Variants in TRMT6 observed in about 807,000 individuals in gnomAD.
The protein encoded by TRMT6 is tRNA methyltransferase 6 non-catalytic subunit.
TRMT6 carries 34 observed loss-of-function variants against 59.0 expected under a neutral mutation model. The ratio of observed to expected loss-of-function variants is 0.58; its 90% CI spans 0.44 to 0.77. TRMT6 has a LOEUF of 0.77. TRMT6 is among the 30% of genes least tolerant of loss of function. The pLI is 0.00. For missense variants in TRMT6, 575 were observed against 604.5 expected (o/e 0.95, Z 0.51); for synonymous variants, 217 against 210.5 (o/e 1.03, Z -0.27).
In TRMT6 at chr20:5,950,297, C is replaced by T. The variant is rs2122621021; in HGVS notation, c.109G>A (p.Val37Ile). 1 of 1,611,588 alleles carries T rather than the reference C, an allele frequency of 6.2e-7. No individual in the cohort carries two copies. The highest frequency in any genetic ancestry group is 1.3e-5 in the African/African-American group (1 of 74,926). The part of the protein sequence containing the change: ...VLKREDVFKA[V>I]QVQRRKKVTF... ...ACTTACTTTCTCCGCTGGACTTGTA[C>T]TGCTTTAAACACATCTTCACGTTTC... is the stretch of plus-strand genomic sequence containing the variant. Residue 37 changes from valine to isoleucine, a missense_variant, in exon 1 of 11, where the codon GTA (valine) becomes ATA (isoleucine). Val to Ile is a conservative substitution (Grantham distance 29, BLOSUM62 3). Transcript: ENST00000203001.
chr20:5,943,838 TAGG>T (rs1279700657), intron 5 of TRMT6, 107 bp downstream of exon 5: 1 of 1,522,910 alleles, frequency 6.6e-7, no homozygotes, highest in African/African-American at 1.4e-5. Context: ...ATTTATGAGG[TAGG>T]AGGATACTTT....
rs966611994 is a variant in TRMT6, at chr20:5,938,406, T to C, written c.*129A>G. On this transcript the variant is annotated 3_prime_UTR_variant, in exon 11 of 11. Transcript: ENST00000203001. ...TAGACAAAAGGCATATACTCCTCCT[T>C]CCTAGAAACGGGTACATAGACATGT... is the stretch of plus-strand genomic sequence containing the variant. 11 of 1,012,706 alleles carry C rather than the reference T, an allele frequency of 1.1e-5. No individual in the cohort carries two copies. The East Asian group carries it at 2.6e-4, about 24-fold the overall frequency. The allele number at this position is 1,012,706 out of a possible 1,614,324, so 62.7% of individuals were successfully genotyped here. A position where few individuals can be genotyped will look rare whatever the true frequency, so the allele number is the denominator to read the frequency against.
intron 1 of TRMT6, among the ~76,000 whole-genome samples, chr20:5,946,900 G>T (rs1373445873): frequency 6.6e-6 from 1 of 152,196 alleles, no homozygotes; most frequent in African/African-American, 2.4e-5. Flanking sequence ...GCCTAACACT[G>T]ACAATGCTCT....
At position 5,943,580 on chromosome 20, in the gene TRMT6, C is replaced by T; in HGVS notation, c.646G>A (p.Ala216Thr). ...METCAGLVLG[A>T]MMERMGGFGS... The stretch of plus-strand genomic sequence containing the variant: ...TTACCTCCCATTCGTTCCATCATTG[C>T]ACCCAGCACCAAGCCTGCACACGTT... The change falls in exon 6 of 11, where the codon GCA (alanine) becomes ACA (threonine). Residue 216 changes from alanine (A) to threonine (T), a missense_variant. Ala to Thr is a moderately conservative substitution (Grantham distance 58, BLOSUM62 0). Transcript: ENST00000203001. 2 of 1,614,148 alleles carry T rather than the reference C, an allele frequency of 1.2e-6. No homozygotes were observed. Among genetic ancestry groups the T allele is most frequent in the Non-Finnish European group, 1.7e-6 (2 of 1,180,022 alleles).
At chr20:5,950,049 G>A (rs1262666653) in intron 1 of TRMT6, among the ~76,000 whole-genome samples, 1 of 152,114 alleles carries the variant, frequency 6.6e-6, no homozygotes, top group Admixed American at 6.5e-5. Flanking sequence ...CATGGAGGGG[G>A]CTCCGGGAAA....
Position 5,944,227 on chromosome 20 carries a change from A to AT in TRMT6, c.392dup (p.Asn131LysfsTer2). On this transcript the variant is annotated frameshift_variant, in exon 4 of 11. Transcript: ENST00000203001. LOFTEE classifies it high-confidence loss of function. ...CTGTCTTGTCTCGGAATGTTGTACT[A>AT]TTTTCAATTAACTGCTGAACTATTT... The AT allele has an allele frequency of 6.4e-7, 1 of 1,571,448 alleles. No homozygotes were observed. The highest frequency in any genetic ancestry group is 8.6e-7 in the Non-Finnish European group (1 of 1,158,804).
rs1600220333 is a variant in TRMT6, at chr20:5,937,767, T to A, written c.*768A>T. ...CTGTGTATATATAAATATATGTGTG[T>A]ATATATACCAACATCTATATACATA... On this transcript the variant is annotated 3_prime_UTR_variant, in exon 11 of 11. Transcript: ENST00000203001. 1 of 152,218 alleles carries A rather than the reference T, an allele frequency of 6.6e-6. No individual in the cohort carries two copies. The highest frequency in any genetic ancestry group is 1.9e-4 in the East Asian group (1 of 5,200). The allele number at this position is 152,218 out of a possible 1,614,324, so 9.4% of individuals were successfully genotyped here.
intron 7 of TRMT6, 67 bp from the exon 8 acceptor site, chr20:5,942,103 G>T: frequency 7.5e-7 from 1 of 1,336,524 alleles, no homozygotes; most frequent in Non-Finnish European, 1.1e-6. Context: ...AAATGCTCTG[G>T]CCTGTCAAAA....
chr20:5,938,931 CCTTT>C (rs1267869422), intron 10 of TRMT6, among the ~76,000 whole-genome samples: 150 of 141,776 alleles, frequency 1.1e-3, no homozygotes, highest in African/African-American at 3.6e-3. Flanking sequence ...TCCCTTCCTT[CCTTT>C]CTCTCTCTCT....
In TRMT6 at chr20:5,938,579, CCTCAGTCTCGT is replaced by C. The variant is rs1371850779; in HGVS notation, c.1439_1449del (p.His480ArgfsTer5). 6.2e-7 allele frequency: 1 copy of C among 1,614,078 alleles called. No individual in the cohort carries two copies. The highest frequency in any genetic ancestry group is 8.5e-7 in the Non-Finnish European group (1 of 1,180,022). The stretch of plus-strand genomic sequence containing the variant: ...CATTTTCGTTTTTTAGCTGCAGGCT[CCTCAGTCTCGT>C]GTGATTCTAAAGTGCTTGCATTAGA... On this transcript the variant is annotated frameshift_variant, in exon 11 of 11. Transcript: ENST00000203001. LOFTEE classifies it high-confidence loss of function.
rs1421459861 is a variant in TRMT6, at chr20:5,938,703, A to G, written c.1326T>C (p.Pro442=). ...CCCCACCTCCACTCATCAGCAGTTT[A>G]GGATGACTTCGATCTGGCAAAACCT... ...NYQVLPDRSH[P]KLLMSGGGGY... Residue 442 remains proline (P), a synonymous_variant, in exon 11 of 11, where the codon CCT becomes CCC. Coordinates refer to ENST00000203001, the MANE Select transcript of TRMT6 (RefSeq NM_015939.5). 3.1e-6 allele frequency: 5 copies of G among 1,614,210 alleles called. No individual in the cohort carries two copies. Among genetic ancestry groups the G allele is most frequent in the Non-Finnish European group, 4.2e-6 (5 of 1,180,018 alleles).
At chr20:5,938,918 C>T (rs2088632415) in intron 10 of TRMT6, among the ~76,000 whole-genome samples, 192 bp from the exon 11 acceptor site, 1 of 143,756 alleles carries the variant, frequency 7.0e-6, no homozygotes, top group Non-Finnish European at 1.5e-5. Flanking sequence ...CTTCCTTCCT[C>T]CCTCCCTTCC....
At chr20:5,948,269 G>A (rs1215719562) in intron 1 of TRMT6, among the ~76,000 whole-genome samples, 4 of 152,188 alleles carry the variant, frequency 2.6e-5, no homozygotes, top group African/African-American at 4.8e-5. Flanking sequence ...AGTCGGGAAT[G>A]TGGGGCCCCG....
chr20:5,945,683 AATAACAGGTTTGACTC>A (rs1215968846), intron 2 of TRMT6, among the ~76,000 whole-genome samples: 1 of 152,222 alleles, frequency 6.6e-6, no homozygotes, highest in African/African-American at 2.4e-5. Flanking sequence ...AATGTATCTA[AATAACAGGTTTGACTC>A]AAAACTTTAA....
rs1177990305 is a variant in TRMT6, at chr20:5,938,624, T to C, written c.1405A>G (p.Ser469Gly). 1 of 1,614,114 alleles carries C rather than the reference T, an allele frequency of 6.2e-7. No individual in the cohort carries two copies. The highest frequency in any genetic ancestry group is 1.7e-5 in the Admixed American group (1 of 60,010). ...AAAGTGCTTGCATTAGATTTGAGGC[T>C]GGTGTCTGCTTTAAGGTTGTCCATG... ...VAMDNLKADT[S>G]LKSNASTLES... The change falls in exon 11 of 11, where the codon AGC (serine) becomes GGC (glycine). Residue 469 changes from serine to glycine, a missense_variant. By Grantham distance (56) the Ser-to-Gly change is moderately conservative. Transcript: ENST00000203001.
At position 5,950,269 on chromosome 20, in the gene TRMT6, C is replaced by G. The variant is rs41282140; in HGVS notation, c.128+9G>C. The G allele has an allele frequency of 6.7e-3, 10,680 of 1,597,026 alleles. 60 individuals are homozygous for G. Among genetic ancestry groups the G allele is most frequent in the Admixed American group, 0.018 (1,073 of 59,220 alleles). ...GCGGGAGACCCCTAAAATCAGCGAT[C>G]TGACTTACTTTCTCCGCTGGACTTG... On this transcript the variant is annotated intron_variant, in intron 1 of 10. Coordinates refer to ENST00000203001, the MANE Select transcript of TRMT6 (RefSeq NM_015939.5).
intron 1 of TRMT6, among the ~76,000 whole-genome samples, chr20:5,946,955 T>C (rs370364809): frequency 3.9e-5 from 6 of 152,234 alleles, no homozygotes; most frequent in African/African-American, 1.4e-4. Context: ...ATAGATTTTT[T>C]ATCTTATTGC....
intron 3 of TRMT6, among the ~76,000 whole-genome samples, 172 bp downstream of exon 3, chr20:5,944,633 A>G (rs145220202): frequency 2.3e-4 from 35 of 152,354 alleles, no homozygotes; most frequent in Admixed American, 8.5e-4. Context: ...ATTCCTGTAT[A>G]TAAGACATAA....
intron 2 of TRMT6, 35 bp from the exon 3 acceptor site, chr20:5,944,949 T>C (rs1302721287): frequency 6.6e-7 from 1 of 1,520,296 alleles, no homozygotes. Flanking sequence ...ACATTTATGG[T>C]CTGAAATTAT....
Sources: allele counts gnomAD v4.1 joint callset (sites outside exome capture counted in the v4.1 genomes callset), GRCh38; gene constraint gnomAD v4.1.1; transcripts MANE v1.5; gene names NCBI Gene and HGNC (gene_info 2026-07-23, HGNC 2026-07-21).